The following TRPC1 variants were observed in gnomAD, a reference collection of about 807,000 sequenced individuals.
The protein encoded by TRPC1 is short transient receptor potential channel 1.
In TRPC1, 42 loss-of-function variants were observed where a neutral mutation model predicts 88.2. The ratio of observed to expected loss-of-function variants is 0.48; its 90% CI spans 0.37 to 0.62. The LOEUF (loss-of-function observed/expected upper bound fraction) is 0.62, where lower values mean the gene tolerates loss of function less well. TRPC1 is among the 20% of genes least tolerant of loss of function. TRPC1 has a pLI of 0.00. For missense variants in TRPC1, 699 were observed against 957.3 expected (o/e 0.73, Z 3.56); for synonymous variants, 288 against 331.8 (o/e 0.87, Z 1.43).
Position 142,797,166 on chromosome 3 carries a change from A to G in TRPC1, c.1581+4199A>G, listed in dbSNP as rs949356868. Among the ~76,000 whole-genome samples the G allele has an allele frequency of 3.9e-4, 59 of 149,532 alleles. No homozygotes were observed. In the Middle Eastern group the frequency reaches 0.017, roughly 43 times the overall value. On this transcript the variant is annotated intron_variant, in intron 9 of 12. Coordinates refer to ENST00000476941, the MANE Select transcript of TRPC1 (RefSeq NM_001251845.2). ...CTCACATCTAGAGAAACTAAGTGGA[A>G]AAAAGGTTGTTTTTTTTTTTTTTGG...
intron 1 of TRPC1, among the ~76,000 whole-genome samples, chr3:142,726,060 T>C (rs2108000867): frequency 6.6e-6 from 1 of 152,226 alleles, no homozygotes; most frequent in African/African-American, 2.4e-5. Context: ...GTCACAAAAA[T>C]AGGGTCTGTG....
At chr3:142,739,436 G>T (rs1387358482) in intron 2 of TRPC1, among the ~76,000 whole-genome samples, 1 of 152,158 alleles carries the variant, frequency 6.6e-6, no homozygotes, top group Non-Finnish European at 1.5e-5. Context: ...TCTCAAACAT[G>T]TAAAGACAGG....
chr3:142,778,592 G>C (rs1049062173), intron 5 of TRPC1, among the ~76,000 whole-genome samples: 4 of 152,072 alleles, frequency 2.6e-5, no homozygotes, highest in African/African-American at 9.7e-5. Flanking sequence ...AATTGATTAC[G>C]ATTTTTTACT....
intron 9 of TRPC1, among the ~76,000 whole-genome samples, chr3:142,797,723 T>C (rs1936496138): frequency 6.6e-6 from 1 of 152,124 alleles, no homozygotes; most frequent in African/African-American, 2.4e-5. Context: ...GTAAGATGCA[T>C]ACCACAGTAC....
At chr3:142,745,572 A>G (rs544998350) in intron 3 of TRPC1, among the ~76,000 whole-genome samples, 135 of 152,132 alleles carry the variant, frequency 8.9e-4, no homozygotes, top group African/African-American at 3.1e-3. Context: ...TGAGCCTTGG[A>G]GGTGGAGGTT....
chr3:142,806,108 G>C lies in TRPC1; in HGVS notation c.2255G>C (p.Ser752Thr), dbSNP rs1936786111. ...ACTTCCATGAGACAGAAGATGCAAA[G>C]TACAGATCAGGCAACTGTGGAAAAT... ...YLTSMRQKMQ[S>T]TDQATVENLN... Residue 752 changes from serine to threonine, a missense_variant, in exon 13 of 13, where the codon AGT (serine) becomes ACT (threonine). Coordinates refer to ENST00000476941, the MANE Select transcript of TRPC1 (RefSeq NM_001251845.2). The C allele has an allele frequency of 1.9e-6, 3 of 1,613,814 alleles. No homozygotes were observed. The highest frequency in any genetic ancestry group is 2.5e-6 in the Non-Finnish European group (3 of 1,179,922).
intron 6 of TRPC1, among the ~76,000 whole-genome samples, chr3:142,783,100 G>C (rs188642821): frequency 6.6e-6 from 1 of 152,162 alleles, no homozygotes; most frequent in Non-Finnish European, 1.5e-5. Context: ...GGAAGAAAGC[G>C]TGTCCATCTT....
At chr3:142,761,605 A>G (rs1487247597) in intron 4 of TRPC1, among the ~76,000 whole-genome samples, 2 of 152,152 alleles carry the variant, frequency 1.3e-5, no homozygotes, top group Admixed American at 6.5e-5. Context: ...GTTTGGAAGC[A>G]TTCCCTCCTT....
chr3:142,747,024 A>G (rs942135120), intron 3 of TRPC1, among the ~76,000 whole-genome samples: 1 of 152,246 alleles, frequency 6.6e-6, no homozygotes, highest in African/African-American at 2.4e-5. Context: ...CTTAAATTGC[A>G]TATAAAATTA....
intron 1 of TRPC1, among the ~76,000 whole-genome samples, chr3:142,727,330 T>A (rs913359203): frequency 9.2e-5 from 14 of 152,188 alleles, no homozygotes; most frequent in African/African-American, 3.4e-4. Flanking sequence ...TAACATATTC[T>A]TCTTAGGAAA....
intron 7 of TRPC1, among the ~76,000 whole-genome samples, chr3:142,789,573 A>G (rs1302632758): frequency 2.0e-5 from 3 of 152,162 alleles, no homozygotes; most frequent in Non-Finnish European, 4.4e-5. Context: ...CCTACTGATA[A>G]GCCAGAGAAT....
rs1439003949 is a variant in TRPC1, at chr3:142,806,145, G to A, written c.2292G>A (p.Leu764=). The A allele has an allele frequency of 6.2e-7, 1 of 1,613,792 alleles. No individual in the cohort carries two copies. The highest frequency in any genetic ancestry group is 1.1e-5 in the South Asian group (1 of 91,060). Residue 764 remains leucine (L), a synonymous_variant, in exon 13 of 13, where the codon CTG becomes CTA. Transcript: ENST00000476941. Reference sequence around the variant, plus strand: ...CAACTGTGGAAAATCTAAACGAACTGCGCCAAGATCTGTCAAAATTCCGAA... The same window carrying A: ...CAACTGTGGAAAATCTAAACGAACTACGCCAAGATCTGTCAAAATTCCGAA... ...DQATVENLNE[L]RQDLSKFRNE...
chr3:142,787,081 C>T (rs1936156931), intron 7 of TRPC1, among the ~76,000 whole-genome samples: 1 of 152,182 alleles, frequency 6.6e-6, no homozygotes, highest in Non-Finnish European at 1.5e-5. Flanking sequence ...TGGGTACCCC[C>T]TTACACACAT....
At chr3:142,749,178 T>C (rs944443473) in intron 4 of TRPC1, among the ~76,000 whole-genome samples, 14 of 152,226 alleles carry the variant, frequency 9.2e-5, no homozygotes, top group Non-Finnish European at 2.1e-4. Context: ...CCTACTGATG[T>C]CATTGCTGTG....
chr3:142,741,900 C>T (rs945755000), intron 2 of TRPC1, among the ~76,000 whole-genome samples: 3 of 152,272 alleles, frequency 2.0e-5, no homozygotes, highest in South Asian at 2.1e-4. Context: ...CAGTGGCTCA[C>T]GCCTGTAATC....
intron 9 of TRPC1, among the ~76,000 whole-genome samples, chr3:142,796,455 C>CCCTTTTTTCCTTATTTCCTTATTT (rs1936453547): frequency 6.6e-6 from 1 of 152,080 alleles, no homozygotes; most frequent in Non-Finnish European, 1.5e-5. Context: ...CAGCACTCTA[C>CCCTTTTTTCCTTATTTCCTTATTT]CCTTTTTTCC....
chr3:142,763,844 A>G (rs1394332413), intron 4 of TRPC1, among the ~76,000 whole-genome samples: 1 of 151,008 alleles, frequency 6.6e-6, no homozygotes, highest in Admixed American at 6.6e-5. Flanking sequence ...TAGTGAATAT[A>G]TTATAGGTTT....
intron 6 of TRPC1, among the ~76,000 whole-genome samples, chr3:142,782,561 G>A (rs1935995703): frequency 6.6e-6 from 1 of 152,104 alleles, no homozygotes; most frequent in Admixed American, 6.6e-5. Context: ...TTAGGAAAGG[G>A]CATGGCAATC....
In TRPC1 at chr3:142,806,907, T is replaced by C. The variant is rs1340009118; in HGVS notation, c.*672T>C. On this transcript the variant is annotated 3_prime_UTR_variant, in exon 13 of 13. Transcript: ENST00000476941. Reference sequence around the variant, plus strand: ...TTTTTTTCACTTAATATTTTATATATACATTTCCATGTATTGATGTAGTTA... The same window carrying C: ...TTTTTTTCACTTAATATTTTATATACACATTTCCATGTATTGATGTAGTTA... The C allele has an allele frequency of 2.6e-5, 4 of 152,058 alleles. No homozygotes were observed. The highest frequency in any genetic ancestry group is 9.6e-5 in the African/African-American group (4 of 41,462). The allele number at this position is 152,058 out of a possible 1,614,324, so 9.4% of individuals were successfully genotyped here.
Sources: allele counts gnomAD v4.1 joint callset (sites outside exome capture counted in the v4.1 genomes callset), GRCh38; gene constraint gnomAD v4.1.1; transcripts MANE v1.5; gene names NCBI Gene and HGNC (gene_info 2026-07-23, HGNC 2026-07-21).